CRYGB: variants seen among roughly 807,000 people sequenced by gnomAD.
The protein encoded by CRYGB is gamma-crystallin B.
Under a neutral mutation model 21.3 loss-of-function variants are expected in CRYGB, and 19 were observed. The ratio of observed to expected loss-of-function variants is 0.89; its 90% CI spans 0.62 to 1.31. The LOEUF is 1.31. Among genes scored for constraint, CRYGB ranks in the 50% most tolerant of loss-of-function variants. The pLI, the probability that CRYGB is intolerant of heterozygous loss-of-function variation, is 0.00. For missense variants in CRYGB, 254 were observed against 228.4 expected (o/e 1.11, Z -0.72); for synonymous variants, 81 against 81.2 (o/e 1.00, Z 0.01).
Position 208,142,720 on chromosome 2 carries a change from G to A in CRYGB, c.446C>T (p.Pro149Leu), listed in dbSNP as rs755142633. The A allele has an allele frequency of 2.0e-5, 33 of 1,613,800 alleles. No individual in the cohort carries two copies. Among genetic ancestry groups the A allele is most frequent in the African/African-American group, 2.7e-5 (2 of 74,834 alleles). The stretch of plus-strand genomic sequence containing the variant: ...ATCAAGAAACCTCCTGTACTCCCCC[G>A]GCCTCAGCAGATACTGCCTCCCCCT... ...NYRGRQYLLR[P>L]GEYRRFLDWG... Residue 149 changes from proline to leucine, a missense_variant, in exon 3 of 3, where the codon CCG becomes CTG. Coordinates refer to ENST00000260988, the MANE Select transcript of CRYGB (RefSeq NM_005210.4).
At chr2:208,143,036 A>G (rs1426380455) in intron 2 of CRYGB, 123 bp from the exon 3 acceptor site, 3 of 1,084,614 alleles carry the variant, frequency 2.8e-6, no homozygotes, top group African/African-American at 3.2e-5. Flanking sequence ...GTTTGCTTCT[A>G]GAACAACCCT....
rs754377330 is a variant in CRYGB, at chr2:208,142,928, A to G, written c.253-15T>C. ...GCGCCAGAGTGCTGGAGTGGCAGAC[A>G]GAAAACGCAAGAGTAAACAAACAAA... is the stretch of plus-strand genomic sequence containing the variant. On this transcript the variant is annotated splice_polypyrimidine_tract_variant and intron_variant, in intron 2 of 2. Coordinates refer to ENST00000260988, the MANE Select transcript of CRYGB (RefSeq NM_005210.4). 47 of 1,573,448 alleles carry G rather than the reference A, an allele frequency of 3.0e-5. No homozygotes were observed. The highest frequency in any genetic ancestry group is 3.8e-5 in the Non-Finnish European group (44 of 1,159,994).
At chr2:208,145,557 T>C (rs1695445288) in intron 2 of CRYGB, among the ~76,000 whole-genome samples, 1 of 150,944 alleles carries the variant, frequency 6.6e-6, no homozygotes, top group African/African-American at 2.4e-5. Flanking sequence ...GGCATGGTGG[T>C]GCATGCCTGT....
intron 1 of CRYGB, 42 bp from the exon 2 acceptor site, chr2:208,146,058 C>T: frequency 6.2e-7 from 1 of 1,605,952 alleles, no homozygotes; most frequent in Middle Eastern, 1.7e-4. Context: ...GATTGGCCCC[C>T]ACTGAGGCCA....
intron 2 of CRYGB, among the ~76,000 whole-genome samples, chr2:208,144,338 T>C: frequency 6.6e-6 from 1 of 151,922 alleles, no homozygotes; most frequent in Non-Finnish European, 1.5e-5. Context: ...ACTTTCTAAA[T>C]TGACTGAGAC....
intron 2 of CRYGB, among the ~76,000 whole-genome samples, chr2:208,144,025 T>TG (rs1559327505): frequency 4.0e-5 from 6 of 150,690 alleles, no homozygotes; most frequent in Admixed American, 2.6e-4. Context: ...TTTCTGGGTT[T>TG]TTTTTTTTTT....
At position 208,142,789 on chromosome 2, in the gene CRYGB, T is replaced by C. The variant is rs1320771271; in HGVS notation, c.377A>G (p.Asn126Ser). 4 of 1,614,076 alleles carry C rather than the reference T, an allele frequency of 2.5e-6. No individual in the cohort carries two copies. The highest frequency in any genetic ancestry group is 3.3e-5 in the Admixed American group (2 of 60,014). ...GAGGATCCAGCTGCCCTCCAGCACA[T>C]TGAGGGAGTGAATTTCAGTGAGGTG... ...RFHLTEIHSL[N>S]VLEGSWILYE... is the part of the protein sequence containing the mutation. The change falls in exon 3 of 3, where the codon AAT becomes AGT. Residue 126 changes from asparagine (N) to serine (S), a missense_variant. Transcript: ENST00000260988.
rs1179914684 is a variant in CRYGB, at chr2:208,142,844, C to A, written c.322G>T (p.Asp108Tyr). 1 of 1,614,148 alleles carries A rather than the reference C, an allele frequency of 6.2e-7. No individual in the cohort carries two copies. Among genetic ancestry groups the A allele is most frequent in the Non-Finnish European group, 8.5e-7 (1 of 1,180,016 alleles). ...CGGTCCTGAACAGAGATACAGTCGTCTGTGAGCTCTGACATTTGTCCCCTC... is the reference window on the plus strand; with the variant it reads ...CGGTCCTGAACAGAGATACAGTCGTATGTGAGCTCTGACATTTGTCCCCTC... ...ELRGQMSELT[D>Y]DCISVQDRFH... Residue 108 changes from aspartate (D) to tyrosine (Y), a missense_variant, in exon 3 of 3, where the codon GAC becomes TAC. Physicochemically the swap from Asp to Tyr is radical, Grantham distance 160. Transcript: ENST00000260988.
chr2:208,145,771 C>A lies in CRYGB; in HGVS notation c.252+3G>T. On this transcript the variant is annotated splice_donor_region_variant and intron_variant, in intron 2 of 2. Coordinates refer to ENST00000260988, the MANE Select transcript of CRYGB (RefSeq NM_005210.4). ...TGGAAGGCAAAGACAGAGCCACACT[C>A]ACCGGGGGGATGAGGCAGCAGGAGC... 1.2e-6 allele frequency: 2 copies of A among 1,611,094 alleles called. No individual in the cohort carries two copies. The highest frequency in any genetic ancestry group is 1.1e-5 in the South Asian group (1 of 90,990).
Position 208,145,855 on chromosome 2 carries a change from G to A in CRYGB, c.171C>T (p.Phe57=). 6.2e-7 allele frequency: 1 copy of A among 1,614,122 alleles called. No homozygotes were observed. The highest frequency in any genetic ancestry group is 8.5e-7 in the Non-Finnish European group (1 of 1,180,030). Residue 57 remains phenylalanine, a synonymous_variant, in exon 2 of 3, where the codon TTC becomes TTT. Coordinates refer to ENST00000260988, the MANE Select transcript of CRYGB (RefSeq NM_005210.4). ...AGTCAGGGTACTCCCCACGCCGCAGGAAGTACTGGTGGCCCTGGTAGTTGG... is the reference window on the plus strand; with the variant it reads ...AGTCAGGGTACTCCCCACGCCGCAGAAAGTACTGGTGGCCCTGGTAGTTGG... ...ERPNYQGHQY[F]LRRGEYPDYQ...
At chr2:208,143,105 C>T (rs1313074751) in intron 2 of CRYGB, among the ~76,000 whole-genome samples, 192 bp from the exon 3 acceptor site, 10 of 152,184 alleles carry the variant, frequency 6.6e-5, no homozygotes, top group African/African-American at 2.4e-4. Flanking sequence ...TCTAATGATT[C>T]ATGGGCAGAG....
In CRYGB at chr2:208,146,102, C is replaced by A; in HGVS notation, c.9+10G>T. On this transcript the variant is annotated intron_variant, in intron 1 of 2. Transcript: ENST00000260988. ...GGGCCAAGGCTGAGCATCCGGTACC[C>A]AGGACTTACCTTTCCCATTTTGAAG... The A allele has an allele frequency of 6.2e-7, 1 of 1,614,146 alleles. No homozygotes were observed. Among genetic ancestry groups the A allele is most frequent in the Non-Finnish European group, 8.5e-7 (1 of 1,179,974 alleles).
At position 208,144,736 on chromosome 2, in the gene CRYGB, G is replaced by A. The variant is rs570092825; in HGVS notation, c.252+1038C>T. On this transcript the variant is annotated intron_variant, in intron 2 of 2. Coordinates refer to ENST00000260988, the MANE Select transcript of CRYGB (RefSeq NM_005210.4). ...CTCCCAAGTAGCTGAGACTACAGGC[G>A]CGTGCCACCAAGCCCAGCTAATTTT... 2.4e-3 allele frequency among the ~76,000 whole-genome samples: 360 copies of A among 151,830 alleles called. 2 individuals carry two copies. Among genetic ancestry groups the A allele is most frequent in the Non-Finnish European group, 2.4e-3 (166 of 67,942 alleles).
rs763993423 is a variant in CRYGB at position 208,145,957 on chromosome 2, G to T, written c.69C>A (p.Cys23Ter). 2.5e-6 allele frequency: 4 copies of T among 1,614,204 alleles called. No homozygotes were observed. The highest frequency in any genetic ancestry group is 1.6e-4 in the Middle Eastern group (1 of 6,062). ...QGRSYECTTD[C>*]PNLQPYFSRC... ...GGCTGAAATAGGGTTGTAGGTTGGGGCAGTCAGTGGTGCATTCGTAGCTGC... is the reference window on the plus strand; with the variant it reads ...GGCTGAAATAGGGTTGTAGGTTGGGTCAGTCAGTGGTGCATTCGTAGCTGC... The change falls in exon 2 of 3, where the codon TGC (cysteine) becomes TGA (stop). Residue 23 changes from cysteine (C) to a stop codon, truncating the protein, a stop_gained. Coordinates refer to ENST00000260988, the MANE Select transcript of CRYGB (RefSeq NM_005210.4). LOFTEE classifies it high-confidence loss of function.
In CRYGB at chr2:208,145,785, G is replaced by A. The variant is rs1438328891; in HGVS notation, c.241C>T (p.Leu81Phe). Residue 81 changes from leucine to phenylalanine, a missense_variant, in exon 2 of 3, where the codon CTC becomes TTC. Transcript: ENST00000260988. ...GLSDSIRSCC[L>F]IPPHSGAYRM... is the part of the protein sequence containing the mutation. ...AGAGCCACACTCACCGGGGGGATGAGGCAGCAGGAGCGGATGGAGTCGCTG... is the reference window on the plus strand; with the variant it reads ...AGAGCCACACTCACCGGGGGGATGAAGCAGCAGGAGCGGATGGAGTCGCTG... 6.2e-7 allele frequency: 1 copy of A among 1,613,004 alleles called. No individual in the cohort carries two copies. The highest frequency in any genetic ancestry group is 8.5e-7 in the Non-Finnish European group (1 of 1,179,518).
chr2:208,146,049 A>G, intron 1 of CRYGB, 33 bp from the exon 2 acceptor site: 2 of 1,609,694 alleles, frequency 1.2e-6, no homozygotes, highest in Non-Finnish European at 1.7e-6. Context: ...GCATGGAGTG[A>G]TTGGCCCCCA....
At position 208,142,685 on chromosome 2, in the gene CRYGB, G is replaced by A. The variant is rs1431794581; in HGVS notation, c.481C>T (p.Pro161Ser). 2.5e-6 allele frequency: 4 copies of A among 1,584,480 alleles called. No homozygotes were observed. In the East Asian group the frequency reaches 6.7e-5, roughly 27 times the overall value. ...CTAAGAGAGCCAACTTTGGCATTTG[G>A]AGCCCCCCAATCAAGAAACCTCCTG... Reference protein sequence around the residue: ...EYRRFLDWGAPNAKVGSLRRV... With the variant: ...EYRRFLDWGASNAKVGSLRRV... The change falls in exon 3 of 3, where the codon CCA becomes TCA. Residue 161 changes from proline (P) to serine (S), a missense_variant. Coordinates refer to ENST00000260988, the MANE Select transcript of CRYGB (RefSeq NM_005210.4).
chr2:208,143,183 G>C (rs1183685395), intron 2 of CRYGB, among the ~76,000 whole-genome samples: 2 of 152,200 alleles, frequency 1.3e-5, no homozygotes, highest in Non-Finnish European at 2.9e-5. Context: ...TGTTATTTGA[G>C]AAAGCCTTTC....
chr2:208,142,971 GC>G, intron 2 of CRYGB, 58 bp from the exon 3 acceptor site: 1 of 1,529,786 alleles, frequency 6.5e-7, no homozygotes, highest in Non-Finnish European at 8.8e-7. Flanking sequence ...GGAAATTAAA[GC>G]TCCAGTCCCT....
Sources: allele counts gnomAD v4.1 joint callset (sites outside exome capture counted in the v4.1 genomes callset), GRCh38; gene constraint gnomAD v4.1.1; transcripts MANE v1.5; gene names NCBI Gene and HGNC (gene_info 2026-07-23, HGNC 2026-07-21).